ANK3: variants seen among roughly 807,000 people sequenced by gnomAD.
The protein encoded by ANK3 is ankyrin-3.
In ANK3, 57 loss-of-function variants were observed where a neutral mutation model predicts 370.9. The ratio of observed to expected loss-of-function variants is 0.15; its 90% CI spans 0.12 to 0.19. ANK3 has a LOEUF of 0.19. Ranked by LOEUF, ANK3 falls within the 10% of genes least tolerant of loss-of-function variation. ANK3 has a pLI of 1.00. For synonymous variants in ANK3, 1,929 were observed against 1,946.3 expected (o/e 0.99, Z 0.23); for missense variants, 4,439 against 5,302.1 (o/e 0.84, Z 5.06).
intron 1 of ANK3, among the ~76,000 whole-genome samples, chr10:60,384,496 T>C: frequency 6.6e-6 from 1 of 151,988 alleles, no homozygotes; most frequent in East Asian, 1.9e-4. Flanking sequence ...ATATACTACA[T>C]ACCTTGTATG....
At chr10:60,506,397 A>G (rs1042545869) in intron 2 of ANK3, among the ~76,000 whole-genome samples, 5 of 152,120 alleles carry the variant, frequency 3.3e-5, no homozygotes, top group African/African-American at 7.2e-5. Context: ...CCGAACTTCT[A>G]TTAAAGAGAA....
chr10:60,477,512 G>GACACAC (rs1207419565), intron 2 of ANK3, among the ~76,000 whole-genome samples: 1 of 115,422 alleles, frequency 8.7e-6, no homozygotes, highest in African/African-American at 3.3e-5. Flanking sequence ...CAGACAGACA[G>GACACAC]ACATACACAC....
At chr10:60,056,120 T>G in intron 41 of ANK3, 84 bp from the exon 42 acceptor site, 1 of 1,449,172 alleles carries the variant, frequency 6.9e-7, no homozygotes. Flanking sequence ...AAGAACTGTG[T>G]CTTTTGCCTA....
chr10:60,374,249 A>T (rs1474444089), intron 1 of ANK3, among the ~76,000 whole-genome samples: 1 of 152,142 alleles, frequency 6.6e-6, no homozygotes, highest in African/African-American at 2.4e-5. Context: ...CCTTGCCAAC[A>T]TTCCAAATCA....
rs1180945702 is a variant in ANK3, at chr10:60,530,107, C to T, written c.96+85079G>A. ...TGCCAGAACCCTGCCTCCTTTCCCC[C>T]CACCACAAGACAGAAGCCAATCTTG... On this transcript the variant is annotated intron_variant, in intron 2 of 43. Transcript: ENST00000373827. 7.2e-5 allele frequency among the ~76,000 whole-genome samples: 11 copies of T among 152,172 alleles called. No homozygotes were observed. The East Asian group carries it at 2.1e-3, about 29-fold the overall frequency.
chr10:60,378,258 A>G (rs973417599), intron 1 of ANK3, among the ~76,000 whole-genome samples: 1 of 152,130 alleles, frequency 6.6e-6, no homozygotes, highest in African/African-American at 2.4e-5. Flanking sequence ...CCATTCTACA[A>G]ATTGCATTTA....
chr10:60,538,492 C>T (rs983689036), intron 2 of ANK3, among the ~76,000 whole-genome samples: 1 of 151,888 alleles, frequency 6.6e-6, no homozygotes, highest in African/African-American at 2.4e-5. Flanking sequence ...TCTTAAAAGC[C>T]TACCTCTTCA....
chr10:60,468,141 C>T (rs1038284258), intron 2 of ANK3, among the ~76,000 whole-genome samples: 4 of 151,924 alleles, frequency 2.6e-5, no homozygotes, highest in African/African-American at 7.2e-5. Context: ...TGCACCACCA[C>T]GCCCAGCTAA....
At chr10:60,114,586 C>T (rs1454278908) in intron 25 of ANK3, among the ~76,000 whole-genome samples, 1 of 152,192 alleles carries the variant, frequency 6.6e-6, no homozygotes, top group East Asian at 1.9e-4. Context: ...AGAAATATCA[C>T]ATAACTAACT....
At chr10:60,614,318 A>T (rs1007212092) in intron 2 of ANK3, among the ~76,000 whole-genome samples, 1 of 152,188 alleles carries the variant, frequency 6.6e-6, no homozygotes, top group African/African-American at 2.4e-5. Context: ...AATAATGTGA[A>T]TTATATTGAT....
intron 2 of ANK3, among the ~76,000 whole-genome samples, chr10:60,606,412 G>C (rs1567176194): frequency 6.6e-6 from 1 of 151,996 alleles, no homozygotes; most frequent in Non-Finnish European, 1.5e-5. Flanking sequence ...AGAGAGAAAA[G>C]TCTTCCCTCA....
At chr10:60,104,397 C>G (rs76791061) in intron 28 of ANK3, among the ~76,000 whole-genome samples, 6,069 of 67,964 alleles carry the variant, frequency 0.089, 189 homozygotes, top group African/African-American at 0.11. Context: ...AAAAAAGAAA[C>G]AAAGAAAGAA....
rs184968425 is a variant in ANK3, at chr10:60,183,715, G to A, written c.2086-2288C>T. On this transcript the variant is annotated intron_variant, in intron 17 of 43. Transcript: ENST00000280772. Reference sequence around the variant, plus strand: ...CTCTACTAAAAATACAAAATTAGCCGGGAGTGGTGGTGCATGCCTGTAATC... The same window carrying A: ...CTCTACTAAAAATACAAAATTAGCCAGGAGTGGTGGTGCATGCCTGTAATC... Among the ~76,000 whole-genome samples, 89 of 152,144 alleles carry A rather than the reference G, an allele frequency of 5.8e-4. No individual in the cohort carries two copies. The East Asian group carries it at 7.9e-3, about 14-fold the overall frequency.
intron 2 of ANK3, among the ~76,000 whole-genome samples, chr10:60,528,838 C>T (rs991173255): frequency 6.6e-5 from 10 of 152,208 alleles, no homozygotes; most frequent in African/African-American, 2.2e-4. Flanking sequence ...AAATCATCTC[C>T]TGTTAATAAT....
chr10:60,280,429 A>C (rs998862595), intron 1 of ANK3, among the ~76,000 whole-genome samples: 38 of 152,340 alleles, frequency 2.5e-4, no homozygotes, highest in African/African-American at 8.7e-4. Flanking sequence ...CCTACAGTAC[A>C]TAGCCATATG....
chr10:60,295,207 C>T (rs2042245494), intron 1 of ANK3, among the ~76,000 whole-genome samples: 1 of 152,184 alleles, frequency 6.6e-6, no homozygotes, highest in African/African-American at 2.4e-5. Context: ...TTAGTGATTT[C>T]AGAGTTCAGA....
upstream of ANK3, among the ~76,000 whole-genome samples, chr10:60,390,352 C>T (rs779524288): frequency 3.9e-5 from 6 of 152,054 alleles, no homozygotes; most frequent in Non-Finnish European, 5.9e-5. Context: ...GGAACAGATG[C>T]CTGATTCATA....
Position 60,055,835 on chromosome 10 carries a change from T to C in ANK3, c.12888A>G (p.Pro4296=). The C allele has an allele frequency of 6.2e-7, 1 of 1,614,234 alleles. No individual in the cohort carries two copies. Among genetic ancestry groups the C allele is most frequent in the East Asian group, 2.2e-5 (1 of 44,884 alleles). ...TCTGATATGCTGCTAGTGGTGATGCTGGTTCTTCAACATGACCAGATCCAT... is the reference window on the plus strand; with the variant it reads ...TCTGATATGCTGCTAGTGGTGATGCCGGTTCTTCAACATGACCAGATCCAT... ...KIHGSGHVEE[P]ASPLAAYQKS... is the part of the protein sequence containing the mutation. The change falls in exon 42 of 44, where the codon CCA becomes CCG. Residue 4296 remains proline (P), a synonymous_variant. Coordinates refer to ENST00000280772, the MANE Select transcript of ANK3 (RefSeq NM_020987.5).
At chr10:60,414,772 C>A (rs1014597541) in intron 2 of ANK3, among the ~76,000 whole-genome samples, 3 of 152,166 alleles carry the variant, frequency 2.0e-5, no homozygotes, top group Admixed American at 6.5e-5. Flanking sequence ...AAGTTGGTGG[C>A]AGCTACCTTC....
Sources: allele counts gnomAD v4.1 joint callset (sites outside exome capture counted in the v4.1 genomes callset), GRCh38; gene constraint gnomAD v4.1.1; transcripts MANE v1.5; gene names NCBI Gene and HGNC (gene_info 2026-07-23, HGNC 2026-07-21).